Variants in TBC1D12 observed in about 807,000 individuals in gnomAD.
TBC1D12 encodes TBC1 domain family member 12, also known as TBC1 domain family, member 12.
In TBC1D12, 56 loss-of-function variants were observed where a neutral mutation model predicts 86.7. The ratio of observed to expected loss-of-function variants is 0.65; its 90% CI spans 0.52 to 0.81. The LOEUF (loss-of-function observed/expected upper bound fraction) is 0.81. Among genes scored for constraint, TBC1D12 ranks in the 30% least tolerant of loss-of-function variants. The pLI, the probability that TBC1D12 is intolerant of heterozygous loss-of-function variation, is 0.00. For synonymous variants in TBC1D12, 421 were observed against 411.7 expected, an observed-to-expected ratio of 1.02 and a Z score of -0.27; for missense variants, 1,023 against 1,038.8, an observed-to-expected ratio of 0.98 and a Z score of 0.21.
chr10:94,436,527 G>T (rs2055299365), intron 1 of TBC1D12, among the ~76,000 whole-genome samples: 1 of 152,134 alleles, frequency 6.6e-6, no homozygotes, highest in Non-Finnish European at 1.5e-5. Context: ...GAAATTGATA[G>T]ATAAGTTTGG....
chr10:94,503,647 T>C (rs2056426197), intron 6 of TBC1D12, among the ~76,000 whole-genome samples: 1 of 152,168 alleles, frequency 6.6e-6, no homozygotes, highest in Non-Finnish European at 1.5e-5. Flanking sequence ...ATTTTTGAGA[T>C]GGAGTCTTGC....
At chr10:94,462,054 A>G (rs2055737726) in intron 2 of TBC1D12, among the ~76,000 whole-genome samples, 1 of 152,080 alleles carries the variant, frequency 6.6e-6, no homozygotes, top group African/African-American at 2.4e-5. Context: ...GTTTGCTAAT[A>G]CTATGTTAGG....
intron 11 of TBC1D12, among the ~76,000 whole-genome samples, chr10:94,528,345 T>C (rs895359047): frequency 2.0e-5 from 3 of 152,236 alleles, no homozygotes; most frequent in Non-Finnish European, 4.4e-5. Context: ...ATTATTAATG[T>C]ATCCAGTTTT....
intron 3 of TBC1D12, among the ~76,000 whole-genome samples, chr10:94,489,566 G>T (rs1030518825): frequency 6.6e-5 from 10 of 152,206 alleles, no homozygotes; most frequent in African/African-American, 2.4e-4. Context: ...GACAACTGGT[G>T]CAGGCTTCTA....
intron 7 of TBC1D12, among the ~76,000 whole-genome samples, chr10:94,507,911 T>C (rs1454797514): frequency 6.6e-6 from 1 of 152,114 alleles, no homozygotes; most frequent in African/African-American, 2.4e-5. Flanking sequence ...GTCTTGAACC[T>C]GGGAGGCAGA....
chr10:94,439,577 T>G (rs2055351242), intron 1 of TBC1D12, among the ~76,000 whole-genome samples: 1 of 152,158 alleles, frequency 6.6e-6, no homozygotes, highest in African/African-American at 2.4e-5. Flanking sequence ...GGCATCGAGC[T>G]AAGCAGAATT....
At position 94,402,833 on chromosome 10, in the gene TBC1D12, C is replaced by G; in HGVS notation, c.220C>G (p.Leu74Val). The G allele has an allele frequency of 6.5e-7, 1 of 1,539,124 alleles. No homozygotes were observed. Among genetic ancestry groups the G allele is most frequent in the Non-Finnish European group, 8.8e-7 (1 of 1,142,842 alleles). ...GCCTCGGCAGCTCCTTCAGCGTTAC[C>G]TCGCGGCGGCCGGGGAGCAGCTGGA... ...TPPRQLLQRY[L>V]AAAGEQLEPG... is the part of the protein sequence containing the mutation. The change falls in exon 1 of 13, where the codon CTC becomes GTC. Residue 74 changes from leucine (L) to valine (V), a missense_variant. Physicochemically the swap from Leu to Val is conservative, Grantham distance 32. This residue lies in a region of TBC1D12 where 628 missense variants were observed against 531.1 expected (regional missense o/e 1.18). Coordinates refer to ENST00000225235, the MANE Select transcript of TBC1D12 (RefSeq NM_015188.2).
chr10:94,484,519 C>A (rs1474335435), intron 3 of TBC1D12, among the ~76,000 whole-genome samples: 2 of 152,070 alleles, frequency 1.3e-5, no homozygotes, highest in African/African-American at 4.8e-5. Flanking sequence ...GGATTACAGG[C>A]GTGAGCCACC....
intron 11 of TBC1D12, among the ~76,000 whole-genome samples, chr10:94,524,431 G>T (rs932349531): frequency 6.6e-6 from 1 of 152,074 alleles, no homozygotes; most frequent in African/African-American, 2.4e-5. Flanking sequence ...TGTTTAATCA[G>T]AACAACCACA....
intron 2 of TBC1D12, among the ~76,000 whole-genome samples, chr10:94,469,522 C>T (rs1341155605): frequency 7.0e-6 from 1 of 142,396 alleles, no homozygotes; most frequent in Non-Finnish European, 1.5e-5. Flanking sequence ...GATCTCGGCT[C>T]ACTGCAACCC....
intron 2 of TBC1D12, among the ~76,000 whole-genome samples, chr10:94,445,920 C>G (rs2055455481): frequency 6.6e-6 from 1 of 151,806 alleles, no homozygotes; most frequent in South Asian, 2.1e-4. Flanking sequence ...TGCACTCCAG[C>G]CTGGGTGACA....
At chr10:94,472,702 A>G (rs1431345936) in intron 2 of TBC1D12, among the ~76,000 whole-genome samples, 10 of 152,216 alleles carry the variant, frequency 6.6e-5, no homozygotes, top group Non-Finnish European at 2.9e-5. Context: ...AACATTGAGC[A>G]TGATTATATA....
At position 94,495,554 on chromosome 10, in the gene TBC1D12, A is replaced by G. The variant is rs374332735; in HGVS notation, c.1295-1501A>G. ...ATTGGTACTGGATGATCTTAAAAGC[A>G]TGGTATGATAGGGATAATATTGAAC... is the stretch of plus-strand genomic sequence containing the variant. On this transcript the variant is annotated intron_variant, in intron 4 of 12. Coordinates refer to ENST00000225235, the MANE Select transcript of TBC1D12 (RefSeq NM_015188.2). Among the ~76,000 whole-genome samples, 6 of 152,294 alleles carry G rather than the reference A, an allele frequency of 3.9e-5. No individual in the cohort carries two copies. In the East Asian group the frequency reaches 9.6e-4, roughly 24 times the overall value.
chr10:94,524,431 G>A (rs932349531), intron 11 of TBC1D12, among the ~76,000 whole-genome samples: 1 of 152,074 alleles, frequency 6.6e-6, no homozygotes, highest in African/African-American at 2.4e-5. Flanking sequence ...TGTTTAATCA[G>A]AACAACCACA....
intron 2 of TBC1D12, among the ~76,000 whole-genome samples, chr10:94,474,034 A>G (rs1052053513): frequency 6.6e-6 from 1 of 152,156 alleles, no homozygotes; most frequent in African/African-American, 2.4e-5. Context: ...CTAGATTGAA[A>G]TCCAAAACTA....
intron 1 of TBC1D12, among the ~76,000 whole-genome samples, chr10:94,418,171 CTTGGGCCCTGCCACGCTTGAAT>C (rs1341872201): frequency 6.6e-6 from 1 of 152,268 alleles, no homozygotes; most frequent in East Asian, 1.9e-4. Flanking sequence ...AAACCAGAAA[CTTGGGCCCTGCCACGCTTGAAT>C]TTGGTTATCT....
chr10:94,492,755 G>A (rs185582049), intron 3 of TBC1D12, among the ~76,000 whole-genome samples: 18 of 152,206 alleles, frequency 1.2e-4, no homozygotes, highest in Admixed American at 8.5e-4. Context: ...TTTGTGAGGG[G>A]TACCACAAGG....
chr10:94,437,991 C>CTTTTTTTTTTTT (rs60477158), intron 1 of TBC1D12, among the ~76,000 whole-genome samples: 1 of 30,034 alleles, frequency 3.3e-5, no homozygotes, highest in African/African-American at 1.6e-4. Context: ...TCTCCTGGAG[C>CTTTTTTTTTTTT]TTTTTTTTTT....
At chr10:94,434,501 A>AT (rs1487917147) in intron 1 of TBC1D12, among the ~76,000 whole-genome samples, 1 of 149,652 alleles carries the variant, frequency 6.7e-6, no homozygotes, top group Admixed American at 6.6e-5. Context: ...GCAAGACTCC[A>AT]TTTAAAAAAA....
Sources: allele counts gnomAD v4.1 joint callset (sites outside exome capture counted in the v4.1 genomes callset), GRCh38; gene constraint gnomAD v4.1.1; regional missense constraint gnomAD v4.1.1; transcripts MANE v1.5; gene names NCBI Gene and HGNC (gene_info 2026-07-23, HGNC 2026-07-21).